The following BDP1 variants were observed in gnomAD, a reference collection of about 807,000 sequenced individuals.
BDP1 encodes BDP1 general transcription factor IIIB subunit.
In BDP1, 169 loss-of-function variants were observed where a neutral mutation model predicts 266.6. The ratio of observed to expected loss-of-function variants is 0.63; its 90% CI spans 0.56 to 0.72. BDP1 has a LOEUF of 0.72. BDP1 is among the 30% of genes least tolerant of loss of function. BDP1 has a pLI of 0.00. For synonymous variants in BDP1, 1,090 were observed against 1,022.4 expected (o/e 1.07, Z -1.26); for missense variants, 3,015 against 3,053.8 (o/e 0.99, Z 0.30).
chr5:71,487,199 G>T (rs1033458571), intron 9 of BDP1, among the ~76,000 whole-genome samples: 37 of 152,084 alleles, frequency 2.4e-4, no homozygotes, highest in African/African-American at 8.9e-4. Flanking sequence ...AACCTTATAT[G>T]TTAGCTAGCT....
intron 32 of BDP1, among the ~76,000 whole-genome samples, chr5:71,546,135 T>C (rs1200304498): frequency 6.6e-6 from 1 of 152,174 alleles, no homozygotes; most frequent in African/African-American, 2.4e-5. Context: ...GGAGTTTGGT[T>C]ACATTTAAAG....
At chr5:71,546,292 G>A (rs528147884) in intron 32 of BDP1, among the ~76,000 whole-genome samples, 5 of 152,008 alleles carry the variant, frequency 3.3e-5, no homozygotes, top group Non-Finnish European at 5.9e-5. Flanking sequence ...TGCCTCATTT[G>A]TTTTTTTACT....
intron 7 of BDP1, among the ~76,000 whole-genome samples, chr5:71,477,534 A>G (rs1221367473): frequency 6.6e-6 from 1 of 152,150 alleles, no homozygotes; most frequent in East Asian, 1.9e-4. Context: ...GGTGTTTACA[A>G]CTAAATGATC....
intron 7 of BDP1, among the ~76,000 whole-genome samples, chr5:71,479,959 G>A (rs1762840909): frequency 2.0e-5 from 3 of 150,446 alleles, no homozygotes; most frequent in Non-Finnish European, 4.4e-5. Flanking sequence ...GTTTGTTTTT[G>A]TTTGAGACAG....
chr5:71,528,519 A>G (rs1020887451), intron 25 of BDP1, among the ~76,000 whole-genome samples: 2 of 152,226 alleles, frequency 1.3e-5, no homozygotes, highest in African/African-American at 4.8e-5. Flanking sequence ...ACAATAAAAG[A>G]AGCAGTAAGA....
At chr5:71,501,723 G>A (rs1580083716) in intron 14 of BDP1, 70 bp downstream of exon 14, 1 of 903,288 alleles carries the variant, frequency 1.1e-6, no homozygotes, top group Non-Finnish European at 1.7e-6. Flanking sequence ...GTAATAATTT[G>A]TTTTCTACTT....
rs1260855732 is a variant in BDP1 at position 71,455,740 on chromosome 5, A to G, written c.-138A>G. On this transcript the variant is annotated 5_prime_UTR_variant, in exon 1 of 39. Transcript: ENST00000358731. ...GAGGAGGCGGCGGCGGGGCAGTGAA[A>G]CTACGGTAGCTGCCCCCTGAGCTGG... 10 of 732,360 alleles carry G rather than the reference A, an allele frequency of 1.4e-5. No homozygotes were observed. Among genetic ancestry groups the G allele is most frequent in the African/African-American group, 1.8e-5 (1 of 56,114 alleles). The allele number at this position is 732,360 out of a possible 1,614,324, so 45.4% of individuals were successfully genotyped here.
chr5:71,468,593 C>A (rs1762047351), intron 6 of BDP1, among the ~76,000 whole-genome samples: 1 of 145,680 alleles, frequency 6.9e-6, no homozygotes. Flanking sequence ...TAAAAATTAA[C>A]AATACAATAT....
At chr5:71,464,868 G>A (rs974875334) in intron 4 of BDP1, among the ~76,000 whole-genome samples, 9 of 151,786 alleles carry the variant, frequency 5.9e-5, no homozygotes, top group African/African-American at 1.2e-4. Flanking sequence ...ACGGGTGTGC[G>A]CCACCATGCC....
At chr5:71,483,783 TAA>T in intron 7 of BDP1, 57 bp from the exon 8 acceptor site, 1 of 1,258,818 alleles carries the variant, frequency 7.9e-7, no homozygotes, top group Non-Finnish European at 1.1e-6. Context: ...TTACTGCATT[TAA>T]AAAAAAATGC....
At chr5:71,540,473 G>A (rs1251078392) in intron 28 of BDP1, among the ~76,000 whole-genome samples, 2 of 151,988 alleles carry the variant, frequency 1.3e-5, no homozygotes, top group South Asian at 2.1e-4. Flanking sequence ...GATTACAATC[G>A]CATGCCACCA....
At chr5:71,568,852 CTA>C (rs914585124), downstream of BDP1, among the ~76,000 whole-genome samples, 79 of 152,214 alleles carry the variant, frequency 5.2e-4, no homozygotes, top group South Asian at 1.7e-3. Flanking sequence ...TCTCTCCAGA[CTA>C]TATAATGAAA....
At chr5:71,570,047 T>G (rs115571611), downstream of BDP1, among the ~76,000 whole-genome samples, 806 of 152,296 alleles carry the variant, frequency 5.3e-3, 12 homozygotes, top group African/African-American at 0.019. Context: ...TTAAGGAAAC[T>G]GTGTGATGAT....
chr5:71,522,531 A>T (rs766642760), intron 23 of BDP1, 41 bp downstream of exon 23: 1 of 1,507,124 alleles, frequency 6.6e-7, no homozygotes, highest in Non-Finnish European at 9.0e-7. Flanking sequence ...TTTTTTCTCA[A>T]TGAGGTCTGT....
chr5:71,497,273 A>G lies in BDP1; in HGVS notation c.1803A>G (p.Glu601=). ...RNVDLKNNSL[E]IDQTENVKPM... ...TTAAATAATGTTAATTTTTCAGGGA[A>G]ATTGATCAAACAGAAAATGTTAAAC... is the stretch of plus-strand genomic sequence containing the variant. The change falls in exon 13 of 39, where the codon GAA becomes GAG. Residue 601 remains glutamate (E), a synonymous_variant. Transcript: ENST00000358731. 1 of 1,611,208 alleles carries G rather than the reference A, an allele frequency of 6.2e-7. No homozygotes were observed.
At chr5:71,506,503 A>G (rs1206450839) in intron 16 of BDP1, among the ~76,000 whole-genome samples, 1 of 152,096 alleles carries the variant, frequency 6.6e-6, no homozygotes, top group Non-Finnish European at 1.5e-5. Context: ...TAGGCTGGGC[A>G]TGGTGACTCA....
intron 9 of BDP1, among the ~76,000 whole-genome samples, 153 bp downstream of exon 9, chr5:71,486,780 G>C (rs977048250): frequency 6.6e-6 from 1 of 152,118 alleles, no homozygotes; most frequent in Non-Finnish European, 1.5e-5. Flanking sequence ...CAATCAACTA[G>C]TTATCTGGTC....
chr5:71,463,160 C>G (rs963318694), intron 3 of BDP1, among the ~76,000 whole-genome samples: 3 of 152,056 alleles, frequency 2.0e-5, no homozygotes, highest in African/African-American at 4.8e-5. Flanking sequence ...TTTTAACATA[C>G]TATAAACTGA....
intron 4 of BDP1, among the ~76,000 whole-genome samples, chr5:71,465,178 T>G (rs1761830171): frequency 6.6e-6 from 1 of 152,104 alleles, no homozygotes; most frequent in Non-Finnish European, 1.5e-5. Flanking sequence ...GCCATTTTCC[T>G]TAAGGCTCAA....
Sources: allele counts gnomAD v4.1 joint callset (sites outside exome capture counted in the v4.1 genomes callset), GRCh38; gene constraint gnomAD v4.1.1; transcripts MANE v1.5; gene names NCBI Gene and HGNC (gene_info 2026-07-23, HGNC 2026-07-21).